The following TENM3 variants were observed in gnomAD, a reference collection of about 807,000 sequenced individuals.
TENM3 encodes the protein teneurin transmembrane protein 3.
A neutral mutation model predicts 255.1 loss-of-function variants in TENM3; 63 were observed. The ratio of observed to expected loss-of-function variants is 0.25; its 90% CI spans 0.20 to 0.30. The LOEUF (loss-of-function observed/expected upper bound fraction) is 0.30. Among genes scored for constraint, TENM3 ranks in the 10% least tolerant of loss-of-function variants. TENM3 has a pLI of 1.00. For synonymous variants in TENM3, 1,306 were observed against 1,322.3 expected (o/e 0.99, Z 0.27); for missense variants, 2,929 against 3,461.1 (o/e 0.85, Z 3.86).
chr4:182,181,128 C>T (rs1337740354), intron 1 of TENM3, among the ~76,000 whole-genome samples: 1 of 152,034 alleles, frequency 6.6e-6, no homozygotes, highest in Admixed American at 6.6e-5. Flanking sequence ...CAGCAACCAA[C>T]TAATAAAACA....
chr4:182,761,001 T>C (rs1763144245), intron 22 of TENM3, among the ~76,000 whole-genome samples: 1 of 152,084 alleles, frequency 6.6e-6, no homozygotes, highest in African/African-American at 2.4e-5. Context: ...TATCATTAAT[T>C]AGAAAAGTTA....
intron 3 of TENM3, among the ~76,000 whole-genome samples, chr4:182,458,984 A>G (rs1229389004): frequency 6.6e-6 from 1 of 152,206 alleles, no homozygotes; most frequent in East Asian, 1.9e-4. Flanking sequence ...ATGTTCCGTT[A>G]TAGTACCATT....
chr4:182,059,776 AAG>A, the TENM3 span, among the ~76,000 whole-genome samples: 36 of 150,108 alleles, frequency 2.4e-4, no homozygotes, highest in African/African-American at 8.9e-4. Flanking sequence ...AAAAAAAAAA[AAG>A]AAAAATTCAC....
chr4:181,956,339 C>T, the TENM3 span, among the ~76,000 whole-genome samples: 5 of 152,282 alleles, frequency 3.3e-5, no homozygotes, highest in Admixed American at 3.3e-4. Context: ...AGCAACAATT[C>T]ATACTCTCAG....
intron 4 of TENM3, among the ~76,000 whole-genome samples, chr4:182,615,048 T>TAA (rs774611778): frequency 6.2e-5 from 5 of 80,124 alleles, no homozygotes; most frequent in Admixed American, 1.7e-4. Flanking sequence ...AAAAAATACA[T>TAA]ATATATATAT....
the TENM3 span, among the ~76,000 whole-genome samples, chr4:181,609,067 C>A: frequency 6.6e-6 from 1 of 151,416 alleles, no homozygotes; most frequent in Non-Finnish European, 1.5e-5. Flanking sequence ...CAAACCTTTG[C>A]AAAAGGAAGA....
intron 3 of TENM3, among the ~76,000 whole-genome samples, chr4:182,399,868 C>T (rs1769108657): frequency 6.6e-6 from 1 of 151,862 alleles, no homozygotes; most frequent in Non-Finnish European, 1.5e-5. Context: ...TCCAGGTAGG[C>T]TGTTTGTAAC....
the TENM3 span, among the ~76,000 whole-genome samples, chr4:182,098,413 G>A: frequency 6.6e-6 from 1 of 152,168 alleles, no homozygotes; most frequent in Non-Finnish European, 1.5e-5. Context: ...ATTCACAATA[G>A]TCAAGACGTG....
the TENM3 span, among the ~76,000 whole-genome samples, chr4:182,064,854 C>T: frequency 6.6e-6 from 1 of 152,066 alleles, no homozygotes; most frequent in African/African-American, 2.4e-5. Flanking sequence ...TAGCTAACTC[C>T]CTACAAAATT....
chr4:181,664,600 G>A, the TENM3 span, among the ~76,000 whole-genome samples: 1 of 152,130 alleles, frequency 6.6e-6, no homozygotes, highest in Admixed American at 6.6e-5. Flanking sequence ...ACTGTGCACC[G>A]TCAATGTCTC....
At chr4:182,394,054 T>C (rs1291638484) in intron 3 of TENM3, among the ~76,000 whole-genome samples, 1 of 152,092 alleles carries the variant, frequency 6.6e-6, no homozygotes, top group African/African-American at 2.4e-5. Context: ...CAAAATAAAA[T>C]TGAGTAACAG....
the TENM3 span, among the ~76,000 whole-genome samples, chr4:182,052,875 G>T: frequency 6.6e-6 from 1 of 152,040 alleles, no homozygotes; most frequent in Non-Finnish European, 1.5e-5. Context: ...GCTTTAAAAG[G>T]TGTCCTAAAA....
chr4:182,230,560 G>T (rs545023329), intron 1 of TENM3, among the ~76,000 whole-genome samples: 1 of 151,842 alleles, frequency 6.6e-6, no homozygotes, highest in East Asian at 2.0e-4. Context: ...CTGTCACAGC[G>T]CTGGCGTTCC....
At chr4:181,793,748 A>G in the TENM3 span, among the ~76,000 whole-genome samples, 1 of 152,224 alleles carries the variant, frequency 6.6e-6, no homozygotes, top group South Asian at 2.1e-4. Flanking sequence ...GCTTTCCCAT[A>G]CATACAAAGA....
At chr4:182,765,002 T>C (rs7677429) in intron 22 of TENM3, among the ~76,000 whole-genome samples, 54,111 of 152,028 alleles carry the variant, frequency 0.36, 10,222 homozygotes, top group South Asian at 0.54. Context: ...AAGGATGAGT[T>C]TCCTTTTTCC....
the TENM3 span, among the ~76,000 whole-genome samples, chr4:181,683,441 C>G: frequency 6.6e-6 from 1 of 152,094 alleles, no homozygotes; most frequent in African/African-American, 2.4e-5. Flanking sequence ...ATTAGACTCA[C>G]TTGGCAAGTT....
the TENM3 span, among the ~76,000 whole-genome samples, chr4:182,111,890 G>A: frequency 6.6e-6 from 1 of 152,146 alleles, no homozygotes; most frequent in Non-Finnish European, 1.5e-5. Context: ...CAAGACCCCA[G>A]CCCAGGCCAC....
chr4:182,340,566 A>G (rs1471283120), intron 2 of TENM3, among the ~76,000 whole-genome samples: 1 of 152,216 alleles, frequency 6.6e-6, no homozygotes, highest in Non-Finnish European at 1.5e-5. Context: ...TTTCTATTGC[A>G]TGTTCAAGAA....
chr4:182,702,179 A>G (rs1757924042), intron 12 of TENM3, among the ~76,000 whole-genome samples: 1 of 152,192 alleles, frequency 6.6e-6, no homozygotes, highest in Non-Finnish European at 1.5e-5. Context: ...GCTGAACCCC[A>G]TGTTGACCAG....
Sources: gnomAD v4.1 joint callset for allele counts (sites outside exome capture counted in the v4.1 genomes callset) on GRCh38, gnomAD v4.1.1 for gene constraint, MANE v1.5 for transcripts, NCBI Gene and HGNC (gene_info 2026-07-23, HGNC 2026-07-21) for gene names.